The following DSCAML1 variants were observed in gnomAD, a reference collection of about 807,000 sequenced individuals.
DSCAML1 encodes cell adhesion molecule DSCAML1.
Under a neutral mutation model 200.5 loss-of-function variants are expected in DSCAML1, and 38 were observed. That is an observed-to-expected ratio of 0.19 (90% CI 0.15 to 0.25). The LOEUF (loss-of-function observed/expected upper bound fraction) is 0.25. DSCAML1 is among the 10% of genes least tolerant of loss of function. The pLI, the probability that DSCAML1 is intolerant of heterozygous loss-of-function variation, is 1.00. For synonymous variants in DSCAML1, 1,215 were observed against 1,165.0 expected (o/e 1.04, Z -0.87); for missense variants, 2,223 against 2,858.8 (o/e 0.78, Z 5.07).
rs78366250 is a variant in DSCAML1, at chr11:117,454,134, T to C, written c.3569-3446A>G. Reference sequence around the variant, plus strand: ...CGCTCCATTCTCTGTCTCTTCTTCTTTGGGATTTCTTCTCACTGCATCCTC... The same window carrying C: ...CGCTCCATTCTCTGTCTCTTCTTCTCTGGGATTTCTTCTCACTGCATCCTC... On this transcript the variant is annotated intron_variant, in intron 19 of 32. Transcript: ENST00000651296. Among the ~76,000 whole-genome samples, 318 of 152,342 alleles carry C rather than the reference T, an allele frequency of 2.1e-3. 1 individual carries two copies. Among genetic ancestry groups the C allele is most frequent in the African/African-American group, 7.2e-3 (301 of 41,574 alleles).
chr11:117,442,032 ATGTGTG>A (rs3057896), intron 21 of DSCAML1, among the ~76,000 whole-genome samples: 56,668 of 143,710 alleles, frequency 0.39, 11,718 homozygotes, highest in East Asian at 0.82. Flanking sequence ...GAGTGTGTGT[ATGTGTG>A]TGTGTGTGTT....
chr11:117,595,597 C>T (rs1318115680), intron 3 of DSCAML1, among the ~76,000 whole-genome samples: 1 of 152,130 alleles, frequency 6.6e-6, no homozygotes, highest in Non-Finnish European at 1.5e-5. Context: ...CAGGAAGGTG[C>T]CAGGGCCGGC....
chr11:117,693,015 AG>A (rs2137723849), intron 3 of DSCAML1, among the ~76,000 whole-genome samples: 1 of 152,272 alleles, frequency 6.6e-6, no homozygotes, highest in African/African-American at 2.4e-5. Flanking sequence ...TCCCTCCAAA[AG>A]TGTGATGCTT....
At chr11:117,738,733 G>A (rs367747893) in intron 3 of DSCAML1, among the ~76,000 whole-genome samples, 2 of 152,086 alleles carry the variant, frequency 1.3e-5, no homozygotes, top group African/African-American at 4.8e-5. Flanking sequence ...TTTCATGACC[G>A]TCTGCTGGCA....
In DSCAML1 at chr11:117,572,162, G is replaced by A. The variant is rs574312808; in HGVS notation, c.512-39640C>T. On this transcript the variant is annotated intron_variant, in intron 3 of 32. Coordinates refer to ENST00000651296, the MANE Select transcript of DSCAML1 (RefSeq NM_020693.4). The stretch of plus-strand genomic sequence containing the variant: ...AAAGTTGCTTTCACTTTATGGACTC[G>A]CCCTGAATTCTTTCTTGCACGAGAT... Among the ~76,000 whole-genome samples the A allele has an allele frequency of 1.3e-3, 192 of 152,108 alleles. 1 individual carries two copies. Among genetic ancestry groups the A allele is most frequent in the African/African-American group, 4.4e-3 (182 of 41,496 alleles).
intron 3 of DSCAML1, among the ~76,000 whole-genome samples, chr11:117,665,237 T>C (rs543808689): frequency 6.6e-6 from 1 of 152,330 alleles, no homozygotes; most frequent in African/African-American, 2.4e-5. Flanking sequence ...CAGGACTAGC[T>C]CATTTTCTTC....
At chr11:117,528,074 C>T (rs1442465275) in intron 4 of DSCAML1, among the ~76,000 whole-genome samples, 5 of 152,182 alleles carry the variant, frequency 3.3e-5, no homozygotes, top group Admixed American at 6.5e-5. Context: ...TGTGTGGAAG[C>T]GCTTTAGACG....
intron 11 of DSCAML1, among the ~76,000 whole-genome samples, chr11:117,492,741 C>G (rs376108263): frequency 6.6e-6 from 1 of 152,186 alleles, no homozygotes; most frequent in South Asian, 2.1e-4. Context: ...GTGGGAGCAG[C>G]GCTTCACTCA....
chr11:117,799,054 C>T (rs1452773501), upstream of DSCAML1, among the ~76,000 whole-genome samples: 2 of 152,118 alleles, frequency 1.3e-5, no homozygotes, highest in African/African-American at 4.8e-5. Flanking sequence ...GAAACTGAGG[C>T]CCAGAGTGGG....
intron 3 of DSCAML1, among the ~76,000 whole-genome samples, chr11:117,579,062 T>G (rs568789182): frequency 6.2e-4 from 94 of 152,336 alleles, no homozygotes; most frequent in Middle Eastern, 3.4e-3. Flanking sequence ...TTGTTGGCTC[T>G]ATCTCCAAAT....
chr11:117,505,659 C>T lies in DSCAML1; in HGVS notation c.1857G>A (p.Val619=). Residue 619 remains valine (V), a synonymous_variant, in exon 9 of 33, where the codon GTG becomes GTA. Transcript: ENST00000651296. This position sits in a 1 kb window ranked among gnomAD's most constrained non-coding sequence, Gnocchi z 6.7. Reference sequence around the variant, plus strand: ...TACGGATGGGCATGTCCCCCGAGGACACCACACAGGGAATGTAGAGCAGCT... The same window carrying T: ...TACGGATGGGCATGTCCCCCGAGGATACCACACAGGGAATGTAGAGCAGCT... ...IGQLLYIPCV[V]SSGDMPIRIT... 6.2e-7 allele frequency: 1 copy of T among 1,613,976 alleles called. No individual in the cohort carries two copies. Among genetic ancestry groups the T allele is most frequent in the Non-Finnish European group, 8.5e-7 (1 of 1,180,022 alleles).
At chr11:117,565,449 T>G (rs2137424724) in intron 3 of DSCAML1, among the ~76,000 whole-genome samples, 1 of 152,366 alleles carries the variant, frequency 6.6e-6, no homozygotes, top group Non-Finnish European at 1.5e-5. Flanking sequence ...TTTGTACCTA[T>G]GCCCCTTAGC....
intron 1 of DSCAML1, among the ~76,000 whole-genome samples, chr11:117,788,660 G>C (rs2055406672): frequency 6.6e-6 from 1 of 152,172 alleles, no homozygotes; most frequent in Non-Finnish European, 1.5e-5. Flanking sequence ...TTTTGTGCCA[G>C]GCATGGTGGG....
At chr11:117,609,056 G>A (rs2051635217) in intron 3 of DSCAML1, among the ~76,000 whole-genome samples, 1 of 151,630 alleles carries the variant, frequency 6.6e-6, no homozygotes, top group Non-Finnish European at 1.5e-5. Flanking sequence ...AAAATTGTCT[G>A]GGCATGGTGT....
chr11:117,555,230 A>G (rs758860326), intron 3 of DSCAML1, among the ~76,000 whole-genome samples: 17 of 152,168 alleles, frequency 1.1e-4, no homozygotes, highest in Admixed American at 3.3e-4. Context: ...AAGATTGGGT[A>G]TTTCATGCCA....
At position 117,702,065 on chromosome 11, in the gene DSCAML1, G is replaced by C. The variant is rs2053679433; in HGVS notation, c.511+74726C>G. ...CTCCACCCCTCCTCCCAACACCTCA[G>C]TCAGGCCCTGGCCACTTCCTGTGTG... is the stretch of plus-strand genomic sequence containing the variant. On this transcript the variant is annotated intron_variant, in intron 3 of 32. Transcript: ENST00000651296. 2.0e-5 allele frequency among the ~76,000 whole-genome samples: 3 copies of C among 152,242 alleles called. No individual in the cohort carries two copies. The South Asian group carries it at 6.2e-4, about 32-fold the overall frequency.
chr11:117,550,325 TCA>T (rs2050446428), intron 3 of DSCAML1, among the ~76,000 whole-genome samples: 1 of 152,184 alleles, frequency 6.6e-6, no homozygotes, highest in Non-Finnish European at 1.5e-5. Context: ...TTGCCTAAAG[TCA>T]CAGAGTTAGA....
chr11:117,764,966 G>A (rs546454407), intron 3 of DSCAML1, among the ~76,000 whole-genome samples: 1 of 152,334 alleles, frequency 6.6e-6, no homozygotes, highest in African/African-American at 2.4e-5. Flanking sequence ...CGCCTTCATG[G>A]CCACCCACTT....
intron 1 of DSCAML1, among the ~76,000 whole-genome samples, chr11:117,810,201 ACGTGGACCCAAAACTC>A (rs1288442868): frequency 1.3e-5 from 2 of 151,926 alleles, no homozygotes; most frequent in Non-Finnish European, 2.9e-5. Context: ...CAAAGGAGAC[ACGTGGACCCAAAACTC>A]CGTGGACCCA....
Sources: allele counts gnomAD v4.1 joint callset (sites outside exome capture counted in the v4.1 genomes callset), GRCh38; gene constraint gnomAD v4.1.1; non-coding constraint Gnocchi (gnomAD v3.1); transcripts MANE v1.5; gene names NCBI Gene and HGNC (gene_info 2026-07-23, HGNC 2026-07-21).